The following RPGR variants were observed in gnomAD, a reference collection of about 807,000 sequenced individuals.
RPGR encodes the protein X-linked retinitis pigmentosa GTPase regulator.
RPGR carries 10 observed loss-of-function variants against 56.3 expected under a neutral mutation model. The observed-to-expected ratio is 0.18, with a 90% CI of 0.11 to 0.30. RPGR has a LOEUF of 0.30. Among genes scored for constraint, RPGR ranks in the 10% least tolerant of loss-of-function variants. The pLI is 1.00. For synonymous variants in RPGR, 197 were observed against 212.9 expected (o/e 0.93, Z 0.65); for missense variants, 538 against 590.9 (o/e 0.91, Z 0.93).
At chrX:38,320,234 G>A (rs1472864227) in intron 4 of RPGR, among the ~76,000 whole-genome samples, 6 of 99,182 alleles carry the variant, frequency 6.0e-5, no homozygotes, top group Non-Finnish European at 1.0e-4. Context: ...AGCTGAGGCA[G>A]TGAAAACATC....
At chrX:38,297,107 G>C in intron 11 of RPGR, among the ~76,000 whole-genome samples, 177 bp downstream of exon 11, 1 of 112,053 alleles carries the variant, frequency 8.9e-6, no homozygotes, top group Non-Finnish European at 1.9e-5. Flanking sequence ...TAGGAGCACT[G>C]ATGGTGCTTT....
At chrX:38,276,410 T>G (rs1048221120) in intron 16 of RPGR, among the ~76,000 whole-genome samples, 5 of 111,697 alleles carry the variant, frequency 4.5e-5, no homozygotes. Context: ...AGAGACAAAG[T>G]TTGCTTAGTT....
Position 38,322,837 on chromosome X carries a change from T to C in RPGR, c.247+16A>G. 2 of 1,182,058 alleles carry C rather than the reference T, an allele frequency of 1.7e-6. No homozygotes were observed. Among genetic ancestry groups the C allele is most frequent in the Non-Finnish European group, 2.3e-6 (2 of 868,252 alleles). On this transcript the variant is annotated intron_variant, in intron 3 of 18. Transcript: ENST00000642395. ...ATACTTTATACAGTTTGTGAAAAGA[T>C]AAAAAGATCCCAAACCTTTGACACA...
intron 11 of RPGR, among the ~76,000 whole-genome samples, chrX:38,291,854 T>C (rs931846593): frequency 8.9e-6 from 1 of 112,098 alleles, no homozygotes; most frequent in Admixed American, 9.5e-5. Flanking sequence ...CCTTGCCCAT[T>C]ATACCAGGTT....
At chrX:38,312,388 T>C (rs781156869) in intron 6 of RPGR, among the ~76,000 whole-genome samples, 1 of 111,188 alleles carries the variant, frequency 9.0e-6, no homozygotes, top group Non-Finnish European at 1.9e-5. Flanking sequence ...CTGGATCAAG[T>C]TTTCCAAATG....
chrX:38,316,734 T>A (rs768347106), intron 6 of RPGR, among the ~76,000 whole-genome samples: 1 of 111,783 alleles, frequency 8.9e-6, no homozygotes, highest in East Asian at 2.8e-4. Context: ...TACCAATTCA[T>A]TGGTAACTTT....
chrX:38,325,928 C>T (rs1266128715), intron 1 of RPGR: 1 of 111,902 alleles, frequency 8.9e-6, no homozygotes, highest in Non-Finnish European at 1.9e-5. Flanking sequence ...TGGGTGATCA[C>T]ACATAAACTA....
At position 38,269,456 on chromosome X, in the gene RPGR, T is replaced by C. The variant is rs1601891537; in HGVS notation, c.*170A>G. On this transcript the variant is annotated 3_prime_UTR_variant, in exon 19 of 19. Transcript: ENST00000642395. ...ATATTTTGAAATGACTTGTTAAAAATATTAGCATAAATAAATATCAAAACT... is the reference window on the plus strand; with the variant it reads ...ATATTTTGAAATGACTTGTTAAAAACATTAGCATAAATAAATATCAAAACT... 1 of 409,130 alleles carries C rather than the reference T, an allele frequency of 2.4e-6. No individual in the cohort carries two copies. Among genetic ancestry groups the C allele is most frequent in the East Asian group, 3.9e-5 (1 of 25,424 alleles). 33.7% of individuals were successfully genotyped at this position (409,130 alleles called of 1,213,427 possible).
Position 38,327,392 on chromosome X carries a change from C to A in RPGR, c.-25G>T, listed in dbSNP as rs1469026747. 2 of 1,175,519 alleles carry A rather than the reference C, an allele frequency of 1.7e-6. No homozygotes were observed. Among genetic ancestry groups the A allele is most frequent in the Non-Finnish European group, 2.3e-6 (2 of 877,194 alleles). ...TGCCACGGGCAGTACGGGCAGCCTGCGCCGGGGCCAGGAGGCTGTAGAGGA... is the reference window on the plus strand; with the variant it reads ...TGCCACGGGCAGTACGGGCAGCCTGAGCCGGGGCCAGGAGGCTGTAGAGGA... On this transcript the variant is annotated 5_prime_UTR_variant, in exon 1 of 19. Coordinates refer to ENST00000642395, the MANE Select transcript of RPGR (RefSeq NM_000328.3).
At chrX:38,273,724 A>C in intron 17 of RPGR, 2 of 274,099 alleles carry the variant, frequency 7.3e-6, no homozygotes, top group South Asian at 2.6e-4. Flanking sequence ...TACAAAGGTA[A>C]TAGTCAATGT....
At chrX:38,314,343 A>T (rs924214786) in intron 6 of RPGR, among the ~76,000 whole-genome samples, 4 of 111,545 alleles carry the variant, frequency 3.6e-5, no homozygotes, top group African/African-American at 1.3e-4. Flanking sequence ...CATATCAATT[A>T]TATCTACTTC....
At chrX:38,288,904 C>A (rs916503273) in intron 13 of RPGR, among the ~76,000 whole-genome samples, 1 of 110,006 alleles carries the variant, frequency 9.1e-6, no homozygotes, top group Admixed American at 9.7e-5. Flanking sequence ...ACCTCAGCTT[C>A]CTGAGTAGCT....
chrX:38,282,236 C>T (rs147792778), intron 15 of RPGR, among the ~76,000 whole-genome samples: 1,259 of 111,259 alleles, frequency 0.011, 17 homozygotes, highest in African/African-American at 0.039. Context: ...CTCTACTAGG[C>T]TGCCTCCTAG....
chrX:38,275,115 A>T lies in RPGR; in HGVS notation c.2123T>A (p.Ile708Asn). 1.1e-5 allele frequency: 13 copies of T among 1,210,960 alleles called. No individual in the cohort carries two copies. The highest frequency in any genetic ancestry group is 1.3e-5 in the Non-Finnish European group (12 of 894,797). The stretch of plus-strand genomic sequence containing the variant: ...TTTTGGGTTTTCATTGTACTCACAA[A>T]TGGCCCGTTCCTCTAGGTTGGCTTT... The change falls in exon 17 of 19, where the codon ATT becomes AAT. Residue 708 changes from isoleucine to asparagine, a missense_variant. Transcript: ENST00000642395.
rs753551383 is a variant in RPGR, at chrX:38,291,033, A to G, written c.1507-9T>C. ...AGGCTCATGATGTGTGTCTGAAATA[A>G]ATAAAAAATATATATTATAAAAAGA... On this transcript the variant is annotated splice_polypyrimidine_tract_variant and intron_variant, in intron 12 of 18. Transcript: ENST00000642395. 3.7e-5 allele frequency: 31 copies of G among 827,324 alleles called. No individual in the cohort carries two copies. The highest frequency in any genetic ancestry group is 5.0e-5 in the Non-Finnish European group (30 of 603,255). The allele number at this position is 827,324 out of a possible 1,213,427, so 68.2% of individuals were successfully genotyped here. A position where few individuals can be genotyped will look rare whatever the true frequency, so the allele number is the denominator to read the frequency against.
intron 15 of RPGR, among the ~76,000 whole-genome samples, chrX:38,283,155 CT>C (rs1019962711): frequency 2.7e-5 from 3 of 111,155 alleles, no homozygotes; most frequent in African/African-American, 9.8e-5. Flanking sequence ...CAACCCACCC[CT>C]AACCCACAAT....
At chrX:38,300,336 T>C (rs1351016797) in intron 9 of RPGR, among the ~76,000 whole-genome samples, 1 of 111,912 alleles carries the variant, frequency 8.9e-6, no homozygotes, top group Non-Finnish European at 1.9e-5. Flanking sequence ...AATCAAAGTG[T>C]TCCATATTAT....
Position 38,315,789 on chromosome X carries a change from A to G in RPGR, c.619+1527T>C, listed in dbSNP as rs184020361. On this transcript the variant is annotated intron_variant, in intron 6 of 18. Transcript: ENST00000642395. ...TGATTATTGCCCATCACATGCCTGC[A>G]TAAAAACATCTCAGGTATTCCATAT... Among the ~76,000 whole-genome samples, 819 of 105,293 alleles carry G rather than the reference A, an allele frequency of 7.8e-3. 12 individuals carry two copies. Among genetic ancestry groups the G allele is most frequent in the African/African-American group, 0.027 (768 of 28,581 alleles). The allele number at this position is 105,293 out of a possible 115,157, so 91.4% of individuals were successfully genotyped here.
At chrX:38,288,116 A>G in intron 13 of RPGR, 75 bp from the exon 14 acceptor site, 1 of 895,962 alleles carries the variant, frequency 1.1e-6, no homozygotes, top group Middle Eastern at 3.7e-4. Context: ...TACTTTAAAT[A>G]CTGCCAAGAT....
Sources: gnomAD v4.1 joint callset for allele counts (sites outside exome capture counted in the v4.1 genomes callset) on GRCh38, gnomAD v4.1.1 for gene constraint, MANE v1.5 for transcripts, NCBI Gene and HGNC (gene_info 2026-07-23, HGNC 2026-07-21) for gene names.